The following MYO1E variants were observed in gnomAD, a reference collection of about 807,000 sequenced individuals.
MYO1E encodes the protein unconventional myosin-Ie.
MYO1E carries 68 observed loss-of-function variants against 151.1 expected under a neutral mutation model. The ratio of observed to expected loss-of-function variants is 0.45; its 90% CI spans 0.37 to 0.55. MYO1E has a LOEUF of 0.55. MYO1E is among the 20% of genes least tolerant of loss of function. MYO1E has a pLI of 0.00. For synonymous variants in MYO1E, 601 were observed against 501.7 expected (o/e 1.20, Z -2.64); for missense variants, 1,363 against 1,389.3 (o/e 0.98, Z 0.30).
At position 59,208,677 on chromosome 15, in the gene MYO1E, A is replaced by G. The variant is rs765059663; in HGVS notation, c.1530+4T>C. ...ATAGACATTAAAATGGATATTGGCC[A>G]TACCTTCCCAGCATAATGATGAATG... is the stretch of plus-strand genomic sequence containing the variant. On this transcript the variant is annotated splice_donor_region_variant and intron_variant, in intron 14 of 27. Transcript: ENST00000288235. 3 of 1,614,124 alleles carry G rather than the reference A, an allele frequency of 1.9e-6. No homozygotes were observed. In the East Asian group the frequency reaches 6.7e-5, roughly 36 times the overall value.
chr15:59,207,288 T>A (rs756631670), intron 14 of MYO1E: 1 of 1,614,188 alleles, frequency 6.2e-7, no homozygotes, highest in Non-Finnish European at 8.5e-7. Context: ...ATCTTCAACA[T>A]GGCAGCCCTT....
In MYO1E at chr15:59,138,256, A is replaced by T; in HGVS notation, c.3192T>A (p.Ala1064=). The T allele has an allele frequency of 6.2e-7, 1 of 1,614,208 alleles. No homozygotes were observed. Among genetic ancestry groups the T allele is most frequent in the South Asian group, 1.1e-5 (1 of 91,086 alleles). ...PQCKALYAYD[A]QDTDELSFNA... ...TAAAGCTGAGTTCGTCTGTGTCCTG[A>T]GCGTCATAGGCATACAAAGCCTTGC... The change falls in exon 27 of 28, where the codon GCT becomes GCA. Residue 1064 remains alanine, a synonymous_variant. Transcript: ENST00000288235.
chr15:59,163,356 CTATTG>C, intron 22 of MYO1E, 53 bp from the exon 23 acceptor site: 1 of 1,555,506 alleles, frequency 6.4e-7, no homozygotes, highest in Admixed American at 1.9e-5. Context: ...TCTGTTTACT[CTATTG>C]TTTTTTTTTT....
intron 1 of MYO1E, among the ~76,000 whole-genome samples, chr15:59,308,222 C>CAAAAAAAAA (rs1189618865): frequency 2.1e-5 from 1 of 48,508 alleles, no homozygotes; most frequent in African/African-American, 1.0e-4. Flanking sequence ...GACTCTGTCT[C>CAAAAAAAAA]AAAAAAAAAA....
chr15:59,367,858 G>C (rs1244555808), intron 1 of MYO1E, among the ~76,000 whole-genome samples: 2 of 152,196 alleles, frequency 1.3e-5, no homozygotes, highest in Admixed American at 6.5e-5. Flanking sequence ...GGTGGCTCAC[G>C]TCTATAATCC....
At chr15:59,303,662 G>A (rs994449570) in intron 1 of MYO1E, among the ~76,000 whole-genome samples, 1 of 152,222 alleles carries the variant, frequency 6.6e-6, no homozygotes, top group East Asian at 1.9e-4. Flanking sequence ...CCCACAGCGA[G>A]ATGGTATCTG....
intron 7 of MYO1E, among the ~76,000 whole-genome samples, chr15:59,225,374 C>T (rs982986435): frequency 6.6e-6 from 1 of 151,886 alleles, no homozygotes; most frequent in Non-Finnish European, 1.5e-5. Flanking sequence ...ATCCAACAGC[C>T]TTTTTTTTGG....
chr15:59,153,913 G>A (rs533440902), intron 25 of MYO1E, 122 bp from the exon 26 acceptor site: 66 of 915,384 alleles, frequency 7.2e-5, no homozygotes, highest in African/African-American at 1.2e-4. Flanking sequence ...CTCAATTTCC[G>A]CATTTGAAAA....
At chr15:59,336,415 A>C (rs2080728871) in intron 1 of MYO1E, among the ~76,000 whole-genome samples, 1 of 152,116 alleles carries the variant, frequency 6.6e-6, no homozygotes, top group Admixed American at 6.5e-5. Flanking sequence ...GGACATACAT[A>C]AATAAGGTAA....
chr15:59,372,351 G>T, intron 1 of MYO1E, 147 bp downstream of exon 1: 1 of 989,104 alleles, frequency 1.0e-6, no homozygotes, highest in Non-Finnish European at 1.5e-6. Context: ...GAAAGCGGCA[G>T]GAAATCAGAG....
At chr15:59,297,606 G>C (rs62002725) in intron 1 of MYO1E, among the ~76,000 whole-genome samples, 1 of 151,638 alleles carries the variant, frequency 6.6e-6, no homozygotes, top group Non-Finnish European at 1.5e-5. Flanking sequence ...TTTGAGACAG[G>C]GTCGTGCTCT....
At chr15:59,321,929 T>G (rs1055401399) in intron 1 of MYO1E, among the ~76,000 whole-genome samples, 1 of 152,026 alleles carries the variant, frequency 6.6e-6, no homozygotes, top group South Asian at 2.1e-4. Flanking sequence ...TCCCAGCACT[T>G]TGGGGAGGCC....
At chr15:59,345,269 A>G (rs1327460849) in intron 1 of MYO1E, among the ~76,000 whole-genome samples, 3 of 152,108 alleles carry the variant, frequency 2.0e-5, no homozygotes, top group Non-Finnish European at 4.4e-5. Context: ...AAAAAAACCT[A>G]AGCAAAGTGC....
intron 1 of MYO1E, among the ~76,000 whole-genome samples, chr15:59,335,586 G>C (rs569259061): frequency 4.0e-4 from 61 of 152,228 alleles, no homozygotes; most frequent in Admixed American, 1.8e-3. Context: ...AAGTACAAGA[G>C]ACCCGGCCAG....
At chr15:59,319,192 T>C (rs1350634217) in intron 1 of MYO1E, among the ~76,000 whole-genome samples, 1 of 151,946 alleles carries the variant, frequency 6.6e-6, no homozygotes, top group East Asian at 1.9e-4. Context: ...GCACCTGTAA[T>C]CCCAGCTACT....
chr15:59,188,600 G>A (rs554803725), intron 17 of MYO1E, among the ~76,000 whole-genome samples: 1 of 152,124 alleles, frequency 6.6e-6, no homozygotes, highest in Non-Finnish European at 1.5e-5. Flanking sequence ...GGAGGCTGAG[G>A]CAGGAAAATC....
rs150983259 is a variant in MYO1E, at chr15:59,214,693, G to C, written c.1135C>G (p.His379Asp). The C allele has an allele frequency of 2.1e-3, 3,401 of 1,613,652 alleles. 3 individuals carry two copies. The highest frequency in any genetic ancestry group is 2.7e-3 in the Non-Finnish European group (3,171 of 1,179,600). Residue 379 changes from histidine (H) to aspartate (D), a missense_variant, in exon 11 of 28, where the codon CAT (histidine) becomes GAT (aspartate). Transcript: ENST00000288235. ...DSINKAMEKD[H>D]EEYNIGVLDI... ...AGGACGCCAATGTTGTATTCTTCAT[G>C]GTCTTTCTCCATGGCTTTATTGATG... is the stretch of plus-strand genomic sequence containing the variant.
At chr15:59,214,521 T>C in intron 11 of MYO1E, 119 bp downstream of exon 11, 1 of 1,102,474 alleles carries the variant, frequency 9.1e-7, no homozygotes, top group Non-Finnish European at 1.4e-6. Context: ...TGAGTTGTTT[T>C]TTTTGTTGTT....
At chr15:59,172,137 A>T (rs552765974) in intron 21 of MYO1E, 95 bp from the exon 22 acceptor site, 16 of 1,415,532 alleles carry the variant, frequency 1.1e-5, no homozygotes, top group Middle Eastern at 2.4e-4. Flanking sequence ...CGGGTGAATC[A>T]CCTGAGGTCA....
Sources: allele counts gnomAD v4.1 joint callset (sites outside exome capture counted in the v4.1 genomes callset), GRCh38; gene constraint gnomAD v4.1.1; transcripts MANE v1.5; gene names NCBI Gene and HGNC (gene_info 2026-07-23, HGNC 2026-07-21).